Variants in PROSER1 observed in about 807,000 individuals in gnomAD.
PROSER1 encodes the protein proline and serine-rich protein 1.
A neutral mutation model predicts 71.8 loss-of-function variants in PROSER1; 36 were observed. That is an observed-to-expected ratio of 0.50 (90% CI 0.38 to 0.66). The LOEUF (loss-of-function observed/expected upper bound fraction) is 0.66, where lower values mean the gene tolerates loss of function less well. PROSER1 is among the 30% of genes least tolerant of loss of function. The probability of loss-of-function intolerance (pLI) is 0.00; values close to 1 mark genes in which losing one functional copy is unlikely to be tolerated. For synonymous variants in PROSER1, 490 were observed against 452.4 expected (o/e 1.08, Z -1.06); for missense variants, 1,107 against 1,135.0 (o/e 0.98, Z 0.35).
chr13:39,022,284 T>C (rs906654217), intron 9 of PROSER1, 42 bp downstream of exon 9: 1 of 1,267,446 alleles, frequency 7.9e-7, no homozygotes, highest in Non-Finnish European at 1.2e-6. Flanking sequence ...TGTACATTTG[T>C]ATATGAATAA....
chr13:39,025,701 A>T (rs778721768), intron 6 of PROSER1, among the ~76,000 whole-genome samples: 7 of 152,138 alleles, frequency 4.6e-5, no homozygotes, highest in Non-Finnish European at 1.0e-4. Flanking sequence ...AAAGACCTGA[A>T]CCAGAACTAT....
chr13:39,013,977 C>T lies in PROSER1; in HGVS notation c.1275G>A (p.Leu425=), dbSNP rs1869857528. ...ASTSNPNSAS[L]SSVFAGLPLP... is the part of the protein sequence containing the mutation. ...AAGGGAGCCCTGCAAAAACTGATGA[C>T]AATGAAGCAGAATTTGGGTTGCTGG... Residue 425 remains leucine, a synonymous_variant, in exon 11 of 13, where the codon TTG becomes TTA. Coordinates refer to ENST00000352251, the MANE Select transcript of PROSER1 (RefSeq NM_025138.5). 3.1e-6 allele frequency: 5 copies of T among 1,613,942 alleles called. No individual in the cohort carries two copies. Among genetic ancestry groups the T allele is most frequent in the Non-Finnish European group, 4.2e-6 (5 of 1,180,036 alleles).
chr13:39,033,985 T>G, intron 2 of PROSER1, 146 bp downstream of exon 2: 1 of 552,860 alleles, frequency 1.8e-6, no homozygotes, highest in South Asian at 2.8e-5. Context: ...TTCTGTAGAG[T>G]TTTCTGCCAA....
rs34146778 is a variant in PROSER1, at chr13:39,029,247, T to TAAAAAAA, written c.275+27_275+33dup. On this transcript the variant is annotated intron_variant, in intron 4 of 12. Transcript: ENST00000352251. ...AAACGCTTCTACATTTTTTCCCAAGTAAAAAAAAAAAAAAAAAAAAAAGAA... is the reference window on the plus strand; with the variant it reads ...AAACGCTTCTACATTTTTTCCCAAGTAAAAAAAAAAAAAAAAAAAAAAAAAAAAAGAA... The TAAAAAAA allele has an allele frequency of 2.2e-4, 163 of 743,820 alleles. 1 individual carries two copies. The highest frequency in any genetic ancestry group is 1.4e-3 in the African/African-American group (49 of 34,496). The allele number at this position is 743,820 out of a possible 1,614,324, so 46.1% of individuals were successfully genotyped here.
At chr13:39,036,646 G>A (rs1482402145) in intron 1 of PROSER1, among the ~76,000 whole-genome samples, 3 of 152,116 alleles carry the variant, frequency 2.0e-5, no homozygotes, top group South Asian at 4.1e-4. Flanking sequence ...TTGGAAAGCA[G>A]GAGAAAAAAG....
Position 39,013,303 on chromosome 13 carries a change from A to G in PROSER1, c.1949T>C (p.Ile650Thr). 6.2e-7 allele frequency: 1 copy of G among 1,614,182 alleles called. No homozygotes were observed. Among genetic ancestry groups the G allele is most frequent in the Non-Finnish European group, 8.5e-7 (1 of 1,180,042 alleles). The change falls in exon 11 of 13, where the codon ATC (isoleucine) becomes ACC (threonine). Residue 650 changes from isoleucine to threonine, a missense_variant. Ile to Thr is a moderately conservative substitution (Grantham distance 89). Coordinates refer to ENST00000352251, the MANE Select transcript of PROSER1 (RefSeq NM_025138.5). ...AGGATTAAGGCAAGCAGATAAACTG[A>G]TGGGCACGGATGTTGAAGTATATGC... ...GRAYTSTSVP[I>T]SLSACLNPAL...
At chr13:39,034,370 T>C (rs1593543236) in intron 1 of PROSER1, among the ~76,000 whole-genome samples, 174 bp from the exon 2 acceptor site, 1 of 152,304 alleles carries the variant, frequency 6.6e-6, no homozygotes, top group African/African-American at 2.4e-5. Flanking sequence ...CTTCCATCTT[T>C]CCAGGTTCCA....
intron 10 of PROSER1, among the ~76,000 whole-genome samples, chr13:39,015,019 T>C (rs1353096741): frequency 6.6e-6 from 1 of 151,580 alleles, no homozygotes; most frequent in East Asian, 2.0e-4. Context: ...CCCATACATT[T>C]GCTCATACTG....
At chr13:39,011,600 A>C in intron 12 of PROSER1, 113 bp from the exon 13 acceptor site, 2 of 1,084,714 alleles carry the variant, frequency 1.8e-6, no homozygotes, top group Non-Finnish European at 2.6e-6. Context: ...AGACAAGACA[A>C]AACTCTGAGG....
chr13:39,032,039 C>A (rs1198222810), intron 2 of PROSER1, among the ~76,000 whole-genome samples: 1 of 152,090 alleles, frequency 6.6e-6, no homozygotes, highest in African/African-American at 2.4e-5. Context: ...TTGAGAAGTA[C>A]TAGATGGAGA....
At position 39,011,564 on chromosome 13, in the gene PROSER1, A is replaced by G. The variant is rs1037212895; in HGVS notation, c.2713-77T>C. 15 of 1,436,178 alleles carry G rather than the reference A, an allele frequency of 1.0e-5. No homozygotes were observed. In the African/African-American group the frequency reaches 1.1e-4, roughly 11 times the overall value. The allele number at this position is 1,436,178 out of a possible 1,614,324, so 89.0% of individuals were successfully genotyped here. A position where few individuals can be genotyped will look rare whatever the true frequency, so the allele number is the denominator to read the frequency against. On this transcript the variant is annotated intron_variant, in intron 12 of 12. Coordinates refer to ENST00000352251, the MANE Select transcript of PROSER1 (RefSeq NM_025138.5). ...CTGCGCTTGCTTCTACCCATGCCAC[A>G]CAGAGATATTCAGAATAGGAAAGAA...
chr13:39,030,027 G>A (rs1870762263), intron 3 of PROSER1, among the ~76,000 whole-genome samples: 1 of 152,106 alleles, frequency 6.6e-6, no homozygotes, highest in South Asian at 2.1e-4. Context: ...AATAGTGAAG[G>A]AAAATTAAAA....
chr13:39,029,508 C>A, intron 3 of PROSER1, 133 bp from the exon 4 acceptor site: 1 of 477,698 alleles, frequency 2.1e-6, no homozygotes, highest in Non-Finnish European at 3.7e-6. Flanking sequence ...AGGTGAAAAC[C>A]ACTTACTCAA....
chr13:39,037,396 CA>C lies in PROSER1; in HGVS notation c.-155del. ...GGATGCGAAGAGGTAGAGAGTATTGCAAACTTCGCAAAAAAAATTTCTAAAA... is the reference window on the plus strand; with the variant it reads ...GGATGCGAAGAGGTAGAGAGTATTGCAACTTCGCAAAAAAAATTTCTAAAA... On this transcript the variant is annotated 5_prime_UTR_variant, in exon 1 of 13. Coordinates refer to ENST00000352251, the MANE Select transcript of PROSER1 (RefSeq NM_025138.5). 1 of 606,210 alleles carries C rather than the reference CA, an allele frequency of 1.6e-6. No homozygotes were observed. The highest frequency in any genetic ancestry group is 3.0e-6 in the Non-Finnish European group (1 of 337,520). 37.6% of individuals were successfully genotyped at this position (606,210 alleles called of 1,614,324 possible). A position where few individuals can be genotyped will look rare whatever the true frequency, so the allele number is the denominator to read the frequency against.
Position 39,010,046 on chromosome 13 carries a change from TAAAC to T in PROSER1, c.*1315_*1318del, listed in dbSNP as rs1489461629. 6.6e-6 allele frequency: 1 copy of T among 152,040 alleles called. No homozygotes were observed. The highest frequency in any genetic ancestry group is 1.5e-5 in the Non-Finnish European group (1 of 68,006). 9.4% of individuals were successfully genotyped at this position (152,040 alleles called of 1,614,324 possible). On this transcript the variant is annotated 3_prime_UTR_variant, in exon 13 of 13. Transcript: ENST00000352251. ...TTAAACGAATGAGCAATCAGTAGTA[TAAAC>T]AGAGTTACAACTAAATTTGGATAAA...
rs1051766068 is a variant in PROSER1, at chr13:39,010,883, G to A, written c.*482C>T. 1 of 153,172 alleles carries A rather than the reference G, an allele frequency of 6.5e-6. No homozygotes were observed. The highest frequency in any genetic ancestry group is 2.4e-5 in the African/African-American group (1 of 41,400). The allele number at this position is 153,172 out of a possible 1,614,324, so 9.5% of individuals were successfully genotyped here. ...TGTGGGTCTCAAGTTCCCTTTTGTG[G>A]ATACATACAGAGTACTGAGTTCCCA... On this transcript the variant is annotated 3_prime_UTR_variant, in exon 13 of 13. Transcript: ENST00000352251.
At chr13:39,032,150 G>GTT (rs1236965782) in intron 2 of PROSER1, among the ~76,000 whole-genome samples, 2 of 152,202 alleles carry the variant, frequency 1.3e-5, no homozygotes, top group Non-Finnish European at 2.9e-5. Context: ...ATGTTTTAGT[G>GTT]TAGGTCCACT....
At chr13:39,026,571 G>T in intron 5 of PROSER1, 184 bp from the exon 6 acceptor site, 1 of 468,948 alleles carries the variant, frequency 2.1e-6, no homozygotes, top group Non-Finnish European at 3.8e-6. Context: ...TTATTTAAAT[G>T]GAATAATTAA....
chr13:39,016,422 T>C (rs1338609411), intron 10 of PROSER1, among the ~76,000 whole-genome samples: 1 of 152,226 alleles, frequency 6.6e-6, no homozygotes, highest in African/African-American at 2.4e-5. Context: ...GCCTGGGTCT[T>C]TCAGACTCAT....
Sources: allele counts gnomAD v4.1 joint callset (sites outside exome capture counted in the v4.1 genomes callset), GRCh38; gene constraint gnomAD v4.1.1; transcripts MANE v1.5; gene names NCBI Gene and HGNC (gene_info 2026-07-23, HGNC 2026-07-21).